OOEP: variants seen among roughly 807,000 people sequenced by gnomAD.
OOEP encodes the protein oocyte-expressed protein homolog.
OOEP carries 16 observed loss-of-function variants against 13.7 expected under a neutral mutation model. The observed-to-expected ratio is 1.16, with a 90% CI of 0.79 to 1.77. The LOEUF (loss-of-function observed/expected upper bound fraction) is 1.77. Ranked by LOEUF, OOEP falls within the 40% of genes most tolerant of loss-of-function variation. The probability of loss-of-function intolerance (pLI) is 0.00; values close to 1 mark genes in which losing one functional copy is unlikely to be tolerated. For missense variants in OOEP, 195 were observed against 193.1 expected, an observed-to-expected ratio of 1.01 and a Z score of -0.06; for synonymous variants, 89 against 77.1, an observed-to-expected ratio of 1.15 and a Z score of -0.81.
At chr6:73,382,214 A>T (rs867529540) in intron 2 of OOEP, among the ~76,000 whole-genome samples, 7 of 98,084 alleles carry the variant, frequency 7.1e-5, no homozygotes, top group Non-Finnish European at 5.7e-5. Flanking sequence ...CACCTGGCTA[A>T]TTTTTTTTTT....
rs1465008954 is a variant in OOEP, at chr6:73,369,831, TTCGCAAGACCTCTTCCAGACCC to T, written c.-61_-40del. 3 of 1,579,998 alleles carry T rather than the reference TTCGCAAGACCTCTTCCAGACCC, an allele frequency of 1.9e-6. No individual in the cohort carries two copies. In the African/African-American group the frequency reaches 4.0e-5, roughly 21 times the overall value. ...GCCGCGGAGCGCGCTCGAGGCGGCT[TTCGCAAGACCTCTTCCAGACCC>T]AGGCGCGAAGCTCGGGCTCTCTTTT... is the stretch of plus-strand genomic sequence containing the variant. On this transcript the variant is annotated 5_prime_UTR_variant, in exon 1 of 3. Coordinates refer to ENST00000370359, the MANE Select transcript of OOEP (RefSeq NM_001080507.3).
At chr6:73,386,091 C>CT (rs553140658) in intron 2 of OOEP, among the ~76,000 whole-genome samples, 11,885 of 134,786 alleles carry the variant, frequency 0.088, 558 homozygotes, top group South Asian at 0.14. Flanking sequence ...ACATGCTTTT[C>CT]TTTTTTTTTT....
chr6:73,375,791 C>CTTT (rs35879934), intron 2 of OOEP, among the ~76,000 whole-genome samples: 1 of 106,684 alleles, frequency 9.4e-6, no homozygotes, highest in Admixed American at 1.0e-4. Context: ...AATGATCTCC[C>CTTT]TTTTTTTTTT....
At chr6:73,380,607 G>A (rs1175553126) in intron 2 of OOEP, among the ~76,000 whole-genome samples, 3 of 152,150 alleles carry the variant, frequency 2.0e-5, no homozygotes, top group African/African-American at 4.8e-5. Context: ...AAGTAAGCAA[G>A]TTTGATGTGG....
At position 73,369,225 on chromosome 6, in the gene OOEP, G is replaced by A. The variant is rs1562276452; in HGVS notation, c.351C>T (p.His117=). The A allele has an allele frequency of 6.2e-7, 1 of 1,612,488 alleles. No individual in the cohort carries two copies. Among genetic ancestry groups the A allele is most frequent in the Non-Finnish European group, 8.5e-7 (1 of 1,179,340 alleles). ...KSMLLCLAWF[H]REHRARAEKM... Reference sequence around the variant, plus strand: ...CCTCACCTCGGGCACGATGTTCTCGGTGAAACCATGCCAGGCACAGGAGCA... The same window carrying A: ...CCTCACCTCGGGCACGATGTTCTCGATGAAACCATGCCAGGCACAGGAGCA... Residue 117 remains histidine (H), a synonymous_variant, in exon 2 of 3, where the codon CAC becomes CAT. Coordinates refer to ENST00000370359, the MANE Select transcript of OOEP (RefSeq NM_001080507.3).
At chr6:73,384,279 A>G (rs980255075) in intron 2 of OOEP, among the ~76,000 whole-genome samples, 8 of 135,258 alleles carry the variant, frequency 5.9e-5, no homozygotes, top group African/African-American at 1.8e-4. Flanking sequence ...AACCTGTCAT[A>G]AGAGATTGAA....
At chr6:73,386,702 A>G (rs1769276464) in intron 2 of OOEP, among the ~76,000 whole-genome samples, 1 of 152,040 alleles carries the variant, frequency 6.6e-6, no homozygotes, top group African/African-American at 2.4e-5. Flanking sequence ...GCGGTGGCTC[A>G]TGCCTGTAAT....
intron 2 of OOEP, among the ~76,000 whole-genome samples, chr6:73,381,368 T>A (rs76037829): frequency 0.02 from 3,120 of 152,276 alleles, 245 homozygotes; most frequent in East Asian, 0.14. Context: ...CTTTGAGGTA[T>A]GCCTTCAGGC....
intron 2 of OOEP, among the ~76,000 whole-genome samples, chr6:73,376,341 G>GT (rs1562278072): frequency 8.8e-5 from 6 of 67,892 alleles, no homozygotes; most frequent in Admixed American, 2.2e-4. Context: ...TGGACAAGGG[G>GT]TTGTTTTTTT....
intron 2 of OOEP, among the ~76,000 whole-genome samples, chr6:73,385,247 C>G (rs1051988221): frequency 1.3e-5 from 2 of 151,384 alleles, no homozygotes; most frequent in Admixed American, 6.6e-5. Flanking sequence ...CTTGGGAGGC[C>G]GAGGCAGGAA....
intron 2 of OOEP, among the ~76,000 whole-genome samples, chr6:73,392,005 A>G (rs1302305705): frequency 6.6e-6 from 1 of 152,208 alleles, no homozygotes; most frequent in East Asian, 1.9e-4. Context: ...GTTTACGTGA[A>G]GGTTCACTCT....
At chr6:73,381,932 G>A (rs538012706) in intron 2 of OOEP, among the ~76,000 whole-genome samples, 1 of 152,276 alleles carries the variant, frequency 6.6e-6, no homozygotes, top group Non-Finnish European at 1.5e-5. Flanking sequence ...AGTGAACTGA[G>A]ACTGTGCCAC....
chr6:73,386,782 G>A (rs1385444114), intron 2 of OOEP, among the ~76,000 whole-genome samples: 2 of 151,520 alleles, frequency 1.3e-5, no homozygotes, highest in African/African-American at 4.9e-5. Flanking sequence ...CATGGCCAAC[G>A]TGGTGAAACC....
chr6:73,383,437 A>C (rs953719084), intron 2 of OOEP, among the ~76,000 whole-genome samples: 14 of 152,176 alleles, frequency 9.2e-5, no homozygotes, highest in Non-Finnish European at 2.1e-4. Flanking sequence ...GGAGTTTGAG[A>C]CCAGCCTGGT....
chr6:73,382,031 TG>T (rs1204238858), intron 2 of OOEP, among the ~76,000 whole-genome samples: 1 of 151,994 alleles, frequency 6.6e-6, no homozygotes, highest in East Asian at 1.9e-4. Context: ...TTTGGGTTTT[TG>T]TTTTTGTTTT....
intron 2 of OOEP, among the ~76,000 whole-genome samples, chr6:73,387,017 CAATGA>C (rs1368214918): frequency 2.9e-5 from 4 of 139,590 alleles, no homozygotes; most frequent in Non-Finnish European, 6.2e-5. Flanking sequence ...CAGCAGAGCT[CAATGA>C]AAGGGCTAAA....
chr6:73,370,417 C>G (rs1448205220), upstream of OOEP, among the ~76,000 whole-genome samples: 1 of 152,054 alleles, frequency 6.6e-6, no homozygotes, highest in African/African-American at 2.4e-5. Flanking sequence ...TTCCAGTATC[C>G]TAAGACAACC....
At chr6:73,382,028 TTTTG>T in intron 2 of OOEP, among the ~76,000 whole-genome samples, 1 of 151,806 alleles carries the variant, frequency 6.6e-6, no homozygotes, top group African/African-American at 2.4e-5. Context: ...AACTTTGGGT[TTTTG>T]TTTTTGTTTT....
In OOEP at chr6:73,395,036, G is replaced by C. The variant is rs771739701; in HGVS notation, c.-436C>G. ...AATCGAACAGGTCCTGAGGGATATA[G>C]TGTCGGCAGAGGTGGTCGCTGGAGA... On this transcript the variant is annotated 5_prime_UTR_variant, in exon 1 of 4. Coordinates refer to the OOEP transcript ENST00000370363. 3 of 1,614,130 alleles carry C rather than the reference G, an allele frequency of 1.9e-6. No individual in the cohort carries two copies. The African/African-American group carries it at 4.0e-5, about 22-fold the overall frequency.
Sources: gnomAD v4.1 joint callset for allele counts (sites outside exome capture counted in the v4.1 genomes callset) on GRCh38, gnomAD v4.1.1 for gene constraint, MANE v1.5 for transcripts, NCBI Gene and HGNC (gene_info 2026-07-23, HGNC 2026-07-21) for gene names.